The following RIN3 variants were observed in gnomAD, a reference collection of about 807,000 sequenced individuals.
RIN3 encodes RAB5 interacting protein 3.
A neutral mutation model predicts 76.3 loss-of-function variants in RIN3; 54 were observed. The observed-to-expected ratio is 0.71, with a 90% confidence interval of 0.57 to 0.89. The LOEUF (loss-of-function observed/expected upper bound fraction) is 0.89, where lower values mean the gene tolerates loss of function less well. Among genes scored for constraint, RIN3 ranks in the 40% least tolerant of loss-of-function variants. The pLI is 0.00. For missense variants in RIN3, 1,256 were observed against 1,322.1 expected, an observed-to-expected ratio of 0.95 and a Z score of 0.78; for synonymous variants, 576 against 564.0, an observed-to-expected ratio of 1.02 and a Z score of -0.30.
intron 1 of RIN3, among the ~76,000 whole-genome samples, chr14:92,539,829 G>C (rs1897092283): frequency 6.6e-6 from 1 of 152,160 alleles, no homozygotes; most frequent in South Asian, 2.1e-4. Context: ...GGAGAAGGCA[G>C]AGCAGCTGGG....
At chr14:92,578,082 A>G (rs1595430545) in intron 3 of RIN3, among the ~76,000 whole-genome samples, 1 of 151,990 alleles carries the variant, frequency 6.6e-6, no homozygotes, top group African/African-American at 2.4e-5. Context: ...TCTACAAAAA[A>G]TAAATAAGCC....
At chr14:92,671,212 C>T (rs1888276569) in intron 7 of RIN3, among the ~76,000 whole-genome samples, 1 of 152,128 alleles carries the variant, frequency 6.6e-6, no homozygotes, top group South Asian at 2.1e-4. Context: ...AGGGGGCAGG[C>T]TCTGAATCAG....
rs1240202094 is a variant in RIN3, at chr14:92,688,102, C to A, written c.2808C>A (p.Asp936Glu). 1.2e-6 allele frequency: 2 copies of A among 1,607,274 alleles called. No individual in the cohort carries two copies. The highest frequency in any genetic ancestry group is 2.2e-5 in the East Asian group (1 of 44,706). Reference protein sequence around the residue: ...LVDGRCFQLADDALPHCIKGY... With the variant: ...LVDGRCFQLAEDALPHCIKGY... ...ACGGGCGCTGCTTCCAGCTGGCGGA[C>A]GACGCGCTGCCGCACTGCATCAAGG... Residue 936 changes from aspartate to glutamate, a missense_variant, in exon 10 of 10, where the codon GAC (aspartate) becomes GAA (glutamate). Asp to Glu is a conservative substitution (Grantham distance 45, BLOSUM62 2). This residue lies in a region of RIN3 where 218 missense variants were observed against 174.5 expected (regional missense o/e 1.25). Transcript: ENST00000216487.
At chr14:92,605,863 TAGAG>T (rs1172847298) in intron 3 of RIN3, among the ~76,000 whole-genome samples, 1 of 152,170 alleles carries the variant, frequency 6.6e-6, no homozygotes, top group Non-Finnish European at 1.5e-5. Flanking sequence ...ATGATATCAA[TAGAG>T]AGAAGAATTG....
At chr14:92,624,421 T>C (rs1421944179) in intron 4 of RIN3, among the ~76,000 whole-genome samples, 4 of 152,186 alleles carry the variant, frequency 2.6e-5, no homozygotes, top group South Asian at 2.1e-4. Context: ...CCGGGTTACA[T>C]TGGTTATATC....
intron 5 of RIN3, among the ~76,000 whole-genome samples, chr14:92,645,965 AG>A (rs537153425): frequency 0.13 from 18,367 of 142,518 alleles, 1,445 homozygotes; most frequent in Non-Finnish European, 0.19. Context: ...AAAAAAAAAA[AG>A]CTCTAAAATT....
intron 9 of RIN3, chr14:92,686,292 C>CA (rs2140180245): frequency 6.6e-6 from 1 of 152,392 alleles, no homozygotes; most frequent in South Asian, 2.1e-4. Flanking sequence ...CTCTGGGACT[C>CA]AGTTTTCCTG....
chr14:92,544,419 G>T (rs1897202337), intron 1 of RIN3, among the ~76,000 whole-genome samples: 5 of 117,008 alleles, frequency 4.3e-5, no homozygotes, highest in African/African-American at 1.8e-4. Context: ...AGCTGTGGGG[G>T]GGGGGGGGGG....
intron 3 of RIN3, among the ~76,000 whole-genome samples, chr14:92,591,087 T>G (rs1351821077): frequency 6.6e-6 from 1 of 152,192 alleles, no homozygotes; most frequent in Non-Finnish European, 1.5e-5. Context: ...ATGGCTAAAG[T>G]AGATGACAGC....
rs61124300 is a variant in RIN3, at chr14:92,518,789, CTG to C, written c.44+4849_44+4850del. ...GAGAAACTGGGAAAATAAGGGTGGCCTGTGTGTGTGTGTGTGTGTGTGTGTGT... is the reference window on the plus strand; with the variant it reads ...GAGAAACTGGGAAAATAAGGGTGGCCTGTGTGTGTGTGTGTGTGTGTGTGT... On this transcript the variant is annotated intron_variant, in intron 1 of 9. Coordinates refer to ENST00000216487, the MANE Select transcript of RIN3 (RefSeq NM_024832.5). Among the ~76,000 whole-genome samples, 976 of 128,308 alleles carry C rather than the reference CTG, an allele frequency of 7.6e-3. 5 individuals carry two copies. Among genetic ancestry groups the C allele is most frequent in the Middle Eastern group, 0.035 (9 of 258 alleles). The allele number at this position is 128,308 out of a possible 152,430, so 84.2% of individuals were successfully genotyped here.
intron 7 of RIN3, among the ~76,000 whole-genome samples, chr14:92,670,831 T>A (rs1888264239): frequency 6.6e-6 from 1 of 152,204 alleles, no homozygotes; most frequent in Non-Finnish European, 1.5e-5. Flanking sequence ...CCCAGCTCTG[T>A]GTTCTTGTTG....
At chr14:92,545,987 A>C (rs532783683) in intron 1 of RIN3, among the ~76,000 whole-genome samples, 47 of 151,346 alleles carry the variant, frequency 3.1e-4, no homozygotes, top group African/African-American at 1.1e-3. Context: ...GTGCAGTGGC[A>C]TGATCTCGGC....
intron 3 of RIN3, among the ~76,000 whole-genome samples, chr14:92,596,347 C>T (rs1356561189): frequency 6.6e-6 from 1 of 152,210 alleles, no homozygotes; most frequent in Admixed American, 6.5e-5. Context: ...TAGACATTGG[C>T]CCGTCTGTCT....
In RIN3 at chr14:92,688,510, A is replaced by G; in HGVS notation, c.*258A>G. 1 of 531,240 alleles carries G rather than the reference A, an allele frequency of 1.9e-6. No homozygotes were observed. The highest frequency in any genetic ancestry group is 3.3e-6 in the Non-Finnish European group (1 of 300,786). The allele number at this position is 531,240 out of a possible 1,614,324, so 32.9% of individuals were successfully genotyped here. On this transcript the variant is annotated 3_prime_UTR_variant, in exon 10 of 10. Transcript: ENST00000216487. ...GGAAAGGGAAACTGAGGCTCAGGAG[A>G]GAGGCGCTCCAGGCCGCTGCAGCCA...
At chr14:92,668,265 C>G (rs34731821) in intron 7 of RIN3, among the ~76,000 whole-genome samples, 10,856 of 152,266 alleles carry the variant, frequency 0.071, 525 homozygotes, top group Admixed American at 0.11. Flanking sequence ...GCCCTCTGGC[C>G]TCTCCAGCCT....
intron 1 of RIN3, among the ~76,000 whole-genome samples, chr14:92,524,048 G>A (rs535045247): frequency 6.6e-6 from 1 of 152,142 alleles, no homozygotes; most frequent in East Asian, 1.9e-4. Context: ...TTATAAATGA[G>A]CTGGGCATGG....
At chr14:92,548,283 T>C (rs750181462) in intron 1 of RIN3, among the ~76,000 whole-genome samples, 3 of 152,146 alleles carry the variant, frequency 2.0e-5, no homozygotes, top group Non-Finnish European at 4.4e-5. Flanking sequence ...AAGCGTAGAC[T>C]CTGGAGCCAG....
chr14:92,639,455 A>G (rs1238545866), intron 4 of RIN3, among the ~76,000 whole-genome samples: 3 of 152,208 alleles, frequency 2.0e-5, no homozygotes, highest in Non-Finnish European at 4.4e-5. Flanking sequence ...AGAGGAGGAA[A>G]TGGCTTCAGA....
intron 2 of RIN3, among the ~76,000 whole-genome samples, chr14:92,572,533 A>C (rs1477296172): frequency 6.6e-6 from 1 of 152,132 alleles, no homozygotes. Flanking sequence ...CCTGCCCATC[A>C]TCTGATGGTC....
Sources: gnomAD v4.1 joint callset for allele counts (sites outside exome capture counted in the v4.1 genomes callset) on GRCh38, gnomAD v4.1.1 for gene constraint, gnomAD v4.1.1 regional missense constraint, MANE v1.5 for transcripts, NCBI Gene and HGNC (gene_info 2026-07-23, HGNC 2026-07-21) for gene names.